MANBA: variants seen among roughly 807,000 people sequenced by gnomAD.
MANBA encodes mannosidase beta, also known as beta-mannosidase.
In MANBA, 83 loss-of-function variants were observed where a neutral mutation model predicts 111.1. That is an observed-to-expected ratio of 0.75 (90% CI 0.63 to 0.90). The LOEUF (loss-of-function observed/expected upper bound fraction) is 0.90. MANBA is among the 40% of genes least tolerant of loss of function. The pLI is 0.00. For missense variants in MANBA, 1,036 were observed against 1,069.0 expected (o/e 0.97, Z 0.43); for synonymous variants, 370 against 378.7 (o/e 0.98, Z 0.27).
intron 8 of MANBA, 55 bp downstream of exon 8, chr4:102,673,864 G>A: frequency 2.0e-6 from 3 of 1,506,336 alleles, no homozygotes; most frequent in Non-Finnish European, 2.8e-6. Context: ...TAAACCTCAA[G>A]CTTTGCGGGA....
intron 4 of MANBA, among the ~76,000 whole-genome samples, chr4:102,721,233 A>T (rs1007649873): frequency 4.6e-5 from 7 of 152,154 alleles, no homozygotes; most frequent in Non-Finnish European, 8.8e-5. Context: ...CTGAGGCAAG[A>T]GAATTGTTTT....
intron 1 of MANBA, among the ~76,000 whole-genome samples, chr4:102,758,856 T>C (rs1472754085): frequency 1.3e-5 from 2 of 152,162 alleles, no homozygotes; most frequent in South Asian, 2.1e-4. Flanking sequence ...TTGTGTTTCC[T>C]AAGCCCCAAA....
At chr4:102,678,300 C>T (rs1731811174) in intron 7 of MANBA, among the ~76,000 whole-genome samples, 3 of 152,168 alleles carry the variant, frequency 2.0e-5, no homozygotes, top group Non-Finnish European at 4.4e-5. Context: ...TCCCTCTGGG[C>T]ATTCTTTCAC....
At chr4:102,660,061 T>TG (rs1560754539) in intron 11 of MANBA, among the ~76,000 whole-genome samples, 2 of 152,212 alleles carry the variant, frequency 1.3e-5, no homozygotes, top group Non-Finnish European at 2.9e-5. Flanking sequence ...CACACATTGC[T>TG]GATAACCAGC....
chr4:102,727,723 T>C (rs1485614222), intron 1 of MANBA: 4 of 914,280 alleles, frequency 4.4e-6, no homozygotes, highest in East Asian at 4.8e-5. Flanking sequence ...TTTTCAGAGA[T>C]GGTGCCTTCT....
At chr4:102,703,123 G>T (rs1578918828) in intron 5 of MANBA, among the ~76,000 whole-genome samples, 2 of 151,868 alleles carry the variant, frequency 1.3e-5, no homozygotes, top group East Asian at 3.8e-4. Flanking sequence ...ATTAGTTGTT[G>T]TTTGTTTACT....
intron 5 of MANBA, among the ~76,000 whole-genome samples, chr4:102,704,780 A>G (rs1733224357): frequency 1.3e-5 from 2 of 152,140 alleles, no homozygotes; most frequent in Admixed American, 6.5e-5. Context: ...GAACTCTTTT[A>G]ATGCTCTCAT....
chr4:102,689,699 T>C lies in MANBA; in HGVS notation c.850-15A>G. 2 of 1,432,566 alleles carry C rather than the reference T, an allele frequency of 1.4e-6. No individual in the cohort carries two copies. The highest frequency in any genetic ancestry group is 2.0e-6 in the Non-Finnish European group (2 of 1,015,246). The allele number at this position is 1,432,566 out of a possible 1,614,324, so 88.7% of individuals were successfully genotyped here. On this transcript the variant is annotated splice_polypyrimidine_tract_variant and intron_variant, in intron 6 of 16. Transcript: ENST00000647097. ...ACAGTAATATTCTTTTAAGAAAATT[T>C]AAAAGTCACTCTAATATGTCATATT...
chr4:102,677,540 C>A (rs1731780646), intron 7 of MANBA, among the ~76,000 whole-genome samples: 1 of 152,062 alleles, frequency 6.6e-6, no homozygotes, highest in African/African-American at 2.4e-5. Flanking sequence ...GCAAGATAGA[C>A]AAATGAATTT....
At chr4:102,655,679 G>C (rs1268303400) in intron 12 of MANBA, among the ~76,000 whole-genome samples, 1 of 152,164 alleles carries the variant, frequency 6.6e-6, no homozygotes, top group Non-Finnish European at 1.5e-5. Context: ...GAATGCAAGA[G>C]CTAAAACTAT....
At chr4:102,709,212 G>C (rs984322819) in intron 5 of MANBA, among the ~76,000 whole-genome samples, 1 of 144,146 alleles carries the variant, frequency 6.9e-6, no homozygotes, top group Non-Finnish European at 1.5e-5. Context: ...GGCAAGGCAA[G>C]GCAGAAAAGG....
chr4:102,663,392 A>G (rs1731059045), intron 11 of MANBA, among the ~76,000 whole-genome samples: 1 of 152,210 alleles, frequency 6.6e-6, no homozygotes, highest in Non-Finnish European at 1.5e-5. Context: ...TATGCTATAA[A>G]ATGAAAACCC....
At chr4:102,740,364 T>C (rs1184612458) in intron 1 of MANBA, among the ~76,000 whole-genome samples, 2 of 152,176 alleles carry the variant, frequency 1.3e-5, no homozygotes, top group Non-Finnish European at 2.9e-5. Context: ...AAAATGACCA[T>C]ACTGCCAAAA....
chr4:102,719,053 G>C (rs1220079844), intron 4 of MANBA, among the ~76,000 whole-genome samples: 1 of 152,190 alleles, frequency 6.6e-6, no homozygotes, highest in South Asian at 2.1e-4. Context: ...TTCGAGAGCA[G>C]AGAATCAGTC....
At chr4:102,635,134 G>A (rs1395636807) in intron 15 of MANBA, 89 bp from the exon 16 acceptor site, 2 of 1,464,442 alleles carry the variant, frequency 1.4e-6, no homozygotes, top group Admixed American at 1.8e-5. Context: ...TGAAAGTCAG[G>A]TTAGCAGAAA....
intron 7 of MANBA, among the ~76,000 whole-genome samples, chr4:102,678,193 C>T (rs1367156476): frequency 6.6e-6 from 1 of 152,110 alleles, no homozygotes; most frequent in Non-Finnish European, 1.5e-5. Flanking sequence ...TCTCCCTATC[C>T]CCCAACTCTT....
intron 13 of MANBA, among the ~76,000 whole-genome samples, chr4:102,646,948 C>T (rs950640274): frequency 6.6e-6 from 1 of 151,994 alleles, no homozygotes; most frequent in African/African-American, 2.4e-5. Flanking sequence ...CTAACAGTTG[C>T]AAATATTCCT....
intron 1 of MANBA, among the ~76,000 whole-genome samples, chr4:102,750,273 A>G (rs1723739461): frequency 6.6e-6 from 1 of 152,100 alleles, no homozygotes; most frequent in Non-Finnish European, 1.5e-5. Context: ...ATCATTTCAC[A>G]TCATAAAATG....
intron 16 of MANBA, among the ~76,000 whole-genome samples, chr4:102,633,011 C>A (rs974370839): frequency 3.3e-5 from 5 of 152,170 alleles, no homozygotes; most frequent in Non-Finnish European, 5.9e-5. Flanking sequence ...ATTTGTCATG[C>A]AACATCTCAG....
Sources: allele counts gnomAD v4.1 joint callset (sites outside exome capture counted in the v4.1 genomes callset), GRCh38; gene constraint gnomAD v4.1.1; transcripts MANE v1.5; gene names NCBI Gene and HGNC (gene_info 2026-07-23, HGNC 2026-07-21).